Variants in PRKAR1A observed in about 807,000 individuals in gnomAD.
PRKAR1A encodes the protein protein kinase cAMP-dependent type I regulatory subunit alpha, also known as cAMP-dependent protein kinase type I-alpha regulatory subunit.
Under a neutral mutation model 52.0 loss-of-function variants are expected in PRKAR1A, and 3 were observed. That is an observed-to-expected ratio of 0.06 (90% CI 0.03 to 0.15). The LOEUF (loss-of-function observed/expected upper bound fraction) is 0.15, where lower values mean the gene tolerates loss of function less well. Ranked by LOEUF, PRKAR1A falls within the 10% of genes least tolerant of loss-of-function variation. PRKAR1A has a pLI of 1.00. For synonymous variants in PRKAR1A, 188 were observed against 168.4 expected (o/e 1.12, Z -0.90); for missense variants, 240 against 477.4 (o/e 0.50, Z 4.63).
At chr17:68,415,237 T>C in the PRKAR1A span, among the ~76,000 whole-genome samples, 9 of 152,312 alleles carry the variant, frequency 5.9e-5, 1 homozygote, top group African/African-American at 2.2e-4. Context: ...ATTATTCAGT[T>C]TGAAGAACTT....
the PRKAR1A span, among the ~76,000 whole-genome samples, chr17:68,479,541 A>G: frequency 2.0e-5 from 3 of 152,260 alleles, no homozygotes; most frequent in East Asian, 5.8e-4. Flanking sequence ...TTCATTGAGA[A>G]TATGTTATTT....
the PRKAR1A span, among the ~76,000 whole-genome samples, chr17:68,492,730 T>G: frequency 6.6e-6 from 1 of 152,110 alleles, no homozygotes; most frequent in Non-Finnish European, 1.5e-5. Flanking sequence ...GAAGAAAGAA[T>G]TTGACTGAGG....
At chr17:68,486,078 T>C in the PRKAR1A span, among the ~76,000 whole-genome samples, 1 of 152,122 alleles carries the variant, frequency 6.6e-6, no homozygotes, top group Non-Finnish European at 1.5e-5. Flanking sequence ...ATAACATGTT[T>C]AGTGATTCAG....
chr17:68,536,104 A>G (rs1182509077), downstream of PRKAR1A: 1 of 454,088 alleles, frequency 2.2e-6, no homozygotes, highest in South Asian at 1.6e-5. Flanking sequence ...GGGGCAGCAT[A>G]CCAGTCATGT....
At chr17:68,439,942 G>A in the PRKAR1A span, among the ~76,000 whole-genome samples, 1 of 152,302 alleles carries the variant, frequency 6.6e-6, no homozygotes, top group East Asian at 1.9e-4. Context: ...AGCCTTGGAC[G>A]CATACCTCCA....
the PRKAR1A span, among the ~76,000 whole-genome samples, chr17:68,483,730 G>A: frequency 5.9e-5 from 9 of 151,540 alleles, no homozygotes; most frequent in African/African-American, 1.5e-4. Flanking sequence ...GTGTGGTGGC[G>A]CATGCCTGTA....
At position 68,515,406 on chromosome 17, in the gene PRKAR1A, T is replaced by C. The variant is rs1488444958; in HGVS notation, c.7T>C (p.Ser3Pro). 6.2e-7 allele frequency: 1 copy of C among 1,613,030 alleles called. No homozygotes were observed. The highest frequency in any genetic ancestry group is 8.5e-7 in the Non-Finnish European group (1 of 1,180,032). ME[S>P]GSTAASEEAR... Reference sequence around the variant, plus strand: ...TTTTTTCTCGCAGAGAACCATGGAGTCTGGCAGTACCGCCGCCAGTGAGGA... The same window carrying C: ...TTTTTTCTCGCAGAGAACCATGGAGCCTGGCAGTACCGCCGCCAGTGAGGA... The change falls in exon 2 of 11, where the codon TCT becomes CCT. Residue 3 changes from serine (S) to proline (P), a missense_variant. Ser to Pro is a moderately conservative substitution (Grantham distance 74, BLOSUM62 -1). Coordinates refer to ENST00000589228, the MANE Select transcript of PRKAR1A (RefSeq NM_002734.5).
chr17:68,531,079 A>G lies in PRKAR1A; in HGVS notation c.*630A>G. On this transcript the variant is annotated 3_prime_UTR_variant, in exon 11 of 11. Coordinates refer to ENST00000589228, the MANE Select transcript of PRKAR1A (RefSeq NM_002734.5). The stretch of plus-strand genomic sequence containing the variant: ...CAAGCTAATCTGCCTGGTTTTATTT[A>G]TATCTTGTTATTAATGTTTCTTCTC... 9.4e-7 allele frequency: 1 copy of G among 1,066,706 alleles called. No individual in the cohort carries two copies. Among genetic ancestry groups the G allele is most frequent in the Middle Eastern group, 4.2e-4 (1 of 2,396 alleles). 66.1% of individuals were successfully genotyped at this position (1,066,706 alleles called of 1,614,324 possible).
At chr17:68,414,823 G>A in the PRKAR1A span, among the ~76,000 whole-genome samples, 20 of 152,088 alleles carry the variant, frequency 1.3e-4, no homozygotes, top group African/African-American at 4.3e-4. Context: ...AAATGCAAAG[G>A]TGTTCATAGT....
At chr17:68,420,570 G>C in the PRKAR1A span, 54 of 1,356,378 alleles carry the variant, frequency 4.0e-5, no homozygotes, top group East Asian at 1.2e-3. Context: ...TTTAGTCTTG[G>C]AGTTTAGTTT....
exon 12 of PRKAR1A, chr17:68,551,171 T>C (rs1393222719): frequency 4.1e-6 from 5 of 1,217,022 alleles, no homozygotes; most frequent in Non-Finnish European, 5.1e-6. Context: ...GGGCTGCAGA[T>C]CCTTTGGGGG....
chr17:68,426,252 G>GGGGGGGA, the PRKAR1A span: 1 of 828,188 alleles, frequency 1.2e-6, no homozygotes, highest in Admixed American at 2.3e-5. Context: ...TGGGGAGCGG[G>GGGGGGGA]GGCTCAAATA....
At chr17:68,543,223 C>G (rs1017226623) in intron 11 of PRKAR1A, among the ~76,000 whole-genome samples, 1 of 152,054 alleles carries the variant, frequency 6.6e-6, no homozygotes, top group African/African-American at 2.4e-5. Context: ...ACGCTACAGA[C>G]CACACTTTGG....
chr17:68,542,838 G>C, intron 11 of PRKAR1A: 1 of 1,546,224 alleles, frequency 6.5e-7, no homozygotes, highest in Non-Finnish European at 8.9e-7. Context: ...TGTTCCATCT[G>C]AGGGATGATC....
chr17:68,546,761 T>C (rs1042740066), intron 11 of PRKAR1A, among the ~76,000 whole-genome samples: 17 of 134,314 alleles, frequency 1.3e-4, no homozygotes, highest in African/African-American at 4.9e-4. Context: ...ACCCGGGAGG[T>C]GGAGCTTGCA....
At chr17:68,477,612 G>T in the PRKAR1A span, among the ~76,000 whole-genome samples, 112 of 151,192 alleles carry the variant, frequency 7.4e-4, 10 homozygotes, top group East Asian at 9.1e-3. Flanking sequence ...GTGCTTTCTG[G>T]TTTTCTACGC....
intron 2 of PRKAR1A, chr17:68,515,856 T>C: frequency 2.3e-6 from 1 of 426,362 alleles, no homozygotes; most frequent in Non-Finnish European, 4.3e-6. Context: ...TGCGTAGAAC[T>C]ATAACAGATA....
the PRKAR1A span, among the ~76,000 whole-genome samples, chr17:68,463,920 T>C: frequency 1.3e-5 from 2 of 152,226 alleles, no homozygotes; most frequent in African/African-American, 2.4e-5. Flanking sequence ...TTTAGCACGT[T>C]CAAGTCTCCA....
intron 11 of PRKAR1A, among the ~76,000 whole-genome samples, chr17:68,550,781 C>T (rs2086801004): frequency 6.6e-6 from 1 of 152,208 alleles, no homozygotes; most frequent in Non-Finnish European, 1.5e-5. Flanking sequence ...GAGGGTGGGA[C>T]TCAGGCATAA....
Sources: gnomAD v4.1 joint callset for allele counts (sites outside exome capture counted in the v4.1 genomes callset) on GRCh38, gnomAD v4.1.1 for gene constraint, MANE v1.5 for transcripts, NCBI Gene and HGNC (gene_info 2026-07-23, HGNC 2026-07-21) for gene names.